Variants in CSMD1 observed in about 807,000 individuals in gnomAD.
CSMD1 encodes CUB and Sushi multiple domains 1.
In CSMD1, 213 loss-of-function variants were observed where a neutral mutation model predicts 417.5. That is an observed-to-expected ratio of 0.51 (90% confidence interval 0.46 to 0.57). The LOEUF is 0.57. Among genes scored for constraint, CSMD1 ranks in the 20% least tolerant of loss-of-function variants. The pLI is 0.00. For missense variants in CSMD1, 6,923 were observed against 4,529.7 expected (o/e 1.53, Z -15.17); for synonymous variants, 2,862 against 1,736.8 (o/e 1.65, Z -16.11).
intron 21 of CSMD1, among the ~76,000 whole-genome samples, chr8:3,351,598 C>CA (rs10718608): frequency 1.1e-3 from 131 of 124,218 alleles, no homozygotes; most frequent in African/African-American, 2.0e-3. Flanking sequence ...GACTCTGTTT[C>CA]AAAAAAAAAA....
At chr8:2,980,077 A>C (rs889957340) in intron 54 of CSMD1, among the ~76,000 whole-genome samples, 3 of 152,228 alleles carry the variant, frequency 2.0e-5, no homozygotes, top group Admixed American at 2.0e-4. Flanking sequence ...CCATACTTTC[A>C]TAAGGAGACG....
intron 5 of CSMD1, among the ~76,000 whole-genome samples, chr8:3,920,244 G>A (rs2912299): frequency 0.44 from 65,993 of 151,524 alleles, 14,738 homozygotes; most frequent in East Asian, 0.72. Context: ...CATGTTGCCC[G>A]GGATGCTCTT....
chr8:4,288,664 T>C (rs997443904), intron 3 of CSMD1, among the ~76,000 whole-genome samples: 1 of 152,160 alleles, frequency 6.6e-6, no homozygotes, highest in Admixed American at 6.5e-5. Flanking sequence ...CCAATAAAAT[T>C]CCTTTTCAAC....
intron 3 of CSMD1, among the ~76,000 whole-genome samples, chr8:4,158,770 C>A (rs987349606): frequency 2.6e-5 from 4 of 152,284 alleles, no homozygotes; most frequent in East Asian, 1.9e-4. Flanking sequence ...GGTGTGAACA[C>A]TGAAGTGTTG....
intron 1 of CSMD1, among the ~76,000 whole-genome samples, chr8:4,797,258 G>A (rs1294994116): frequency 2.6e-5 from 4 of 152,136 alleles, no homozygotes; most frequent in African/African-American, 7.2e-5. Context: ...TATGCATGGT[G>A]AGTTTTAACT....
intron 3 of CSMD1, among the ~76,000 whole-genome samples, chr8:4,332,547 TCACATACACACACA>T (rs1361016670): frequency 1.1e-4 from 12 of 111,538 alleles, no homozygotes; most frequent in Admixed American, 8.8e-4. Flanking sequence ...TGTCATGATA[TCACATACACACACA>T]CACACACACA....
intron 1 of CSMD1, among the ~76,000 whole-genome samples, chr8:4,676,958 C>G (rs1180732542): frequency 1.4e-5 from 2 of 143,470 alleles, no homozygotes; most frequent in South Asian, 4.4e-4. Context: ...TTATATATAT[C>G]TATCATATAT....
intron 5 of CSMD1, among the ~76,000 whole-genome samples, chr8:3,823,377 A>G (rs1309985948): frequency 1.3e-5 from 2 of 151,876 alleles, no homozygotes; most frequent in South Asian, 2.1e-4. Flanking sequence ...TATTTAAAGG[A>G]AAGTTAAATA....
rs571607397 is a variant in CSMD1, at chr8:4,177,130, T to C, written c.416-145031A>G. Reference sequence around the variant, plus strand: ...ACCCCAAATCAACAGAATATACATGTTTTTCAGCACCACACCACACCTATT... The same window carrying C: ...ACCCCAAATCAACAGAATATACATGCTTTTCAGCACCACACCACACCTATT... On this transcript the variant is annotated intron_variant, in intron 3 of 69. Coordinates refer to ENST00000635120, the MANE Select transcript of CSMD1 (RefSeq NM_033225.6). Among the ~76,000 whole-genome samples the C allele has an allele frequency of 4.8e-3, 735 of 152,034 alleles. 2 individuals are homozygous for C. Among genetic ancestry groups the C allele is most frequent in the Non-Finnish European group, 6.9e-3 (470 of 67,966 alleles).
At chr8:4,162,004 C>G (rs544143874) in intron 3 of CSMD1, among the ~76,000 whole-genome samples, 24 of 152,236 alleles carry the variant, frequency 1.6e-4, no homozygotes, top group Non-Finnish European at 2.8e-4. Flanking sequence ...CTTTGACTAA[C>G]CATTCTGTAT....
chr8:3,829,731 T>A (rs1802262971), intron 5 of CSMD1, among the ~76,000 whole-genome samples: 1 of 152,216 alleles, frequency 6.6e-6, no homozygotes, highest in African/African-American at 2.4e-5. Flanking sequence ...CTGTAGCAGT[T>A]CTCAAAATTC....
intron 5 of CSMD1, among the ~76,000 whole-genome samples, chr8:3,964,621 T>G (rs780591833): frequency 6.6e-6 from 1 of 152,210 alleles, no homozygotes; most frequent in Middle Eastern, 3.2e-3. Context: ...TTTTAGCTAG[T>G]TGCAAAGAAA....
chr8:4,654,535 C>T (rs1240655185), intron 1 of CSMD1, among the ~76,000 whole-genome samples: 1 of 152,020 alleles, frequency 6.6e-6, no homozygotes, highest in Non-Finnish European at 1.5e-5. Flanking sequence ...TGCTGAGAGG[C>T]ACAGTGGAGT....
intron 54 of CSMD1, among the ~76,000 whole-genome samples, chr8:2,987,823 C>T (rs1310203927): frequency 1.3e-5 from 2 of 152,202 alleles, no homozygotes; most frequent in African/African-American, 4.8e-5. Context: ...ACCTCCTGCT[C>T]TTGACAAGCT....
At chr8:3,812,466 C>G (rs191123652) in intron 5 of CSMD1, among the ~76,000 whole-genome samples, 2 of 152,114 alleles carry the variant, frequency 1.3e-5, no homozygotes, top group African/African-American at 2.4e-5. Flanking sequence ...AAATAAGACA[C>G]GATCCCCTTG....
At chr8:4,051,727 T>G (rs1443947137) in intron 3 of CSMD1, among the ~76,000 whole-genome samples, 1 of 152,142 alleles carries the variant, frequency 6.6e-6, no homozygotes, top group Non-Finnish European at 1.5e-5. Flanking sequence ...CAAGCAGGGA[T>G]TAAAGAAAGG....
intron 6 of CSMD1, among the ~76,000 whole-genome samples, chr8:3,710,214 C>T (rs5003047): frequency 0.33 from 50,110 of 151,846 alleles, 8,432 homozygotes; most frequent in East Asian, 0.49. Flanking sequence ...TGCTTCTATA[C>T]ATTCATTGAA....
At chr8:3,608,546 G>A (rs1431460290) in intron 8 of CSMD1, among the ~76,000 whole-genome samples, 2 of 152,106 alleles carry the variant, frequency 1.3e-5, no homozygotes, top group East Asian at 1.9e-4. Flanking sequence ...GGTGGATCAC[G>A]AGGTCAGGAG....
intron 3 of CSMD1, among the ~76,000 whole-genome samples, chr8:4,354,921 G>C (rs925764438): frequency 3.9e-5 from 5 of 127,898 alleles, no homozygotes; most frequent in Non-Finnish European, 8.6e-5. Context: ...AAATATTTGA[G>C]TATTTTCAGG....
Sources: gnomAD v4.1 joint callset for allele counts (sites outside exome capture counted in the v4.1 genomes callset) on GRCh38, gnomAD v4.1.1 for gene constraint, MANE v1.5 for transcripts, NCBI Gene and HGNC (gene_info 2026-07-23, HGNC 2026-07-21) for gene names.